CHCHD3: variants seen among roughly 807,000 people sequenced by gnomAD.
The protein encoded by CHCHD3 is coiled-coil-helix-coiled-coil-helix domain containing 3.
In CHCHD3, 20 loss-of-function variants were observed where a neutral mutation model predicts 38.2. The ratio of observed to expected loss-of-function variants is 0.52; its 90% confidence interval spans 0.37 to 0.76. The LOEUF is 0.76. CHCHD3 is among the 30% of genes least tolerant of loss of function. The pLI is 0.00. For synonymous variants in CHCHD3, 82 were observed against 100.0 expected, an observed-to-expected ratio of 0.82 and a Z score of 1.07; for missense variants, 245 against 279.2, an observed-to-expected ratio of 0.88 and a Z score of 0.87.
intron 4 of CHCHD3, among the ~76,000 whole-genome samples, chr7:132,920,553 C>T (rs538016782): frequency 3.3e-4 from 50 of 152,278 alleles, no homozygotes; most frequent in Middle Eastern, 3.4e-3. Flanking sequence ...CAAATACTGT[C>T]TCAACTTGTT....
intron 4 of CHCHD3, among the ~76,000 whole-genome samples, chr7:132,963,692 T>TACACACACACACACACACAC (rs1174201921): frequency 2.1e-5 from 1 of 46,910 alleles, no homozygotes; most frequent in Admixed American, 2.4e-4. Flanking sequence ...CACAAACGAT[T>TACACACACACACACACACAC]ATACACACAC....
intron 5 of CHCHD3, among the ~76,000 whole-genome samples, chr7:132,856,421 T>C (rs1026242436): frequency 6.6e-6 from 1 of 152,220 alleles, no homozygotes; most frequent in Non-Finnish European, 1.5e-5. Flanking sequence ...ATCTTTACTT[T>C]GAAAAAGATT....
intron 3 of CHCHD3, among the ~76,000 whole-genome samples, chr7:132,981,338 CTG>C (rs1424431451): frequency 2.0e-5 from 3 of 152,236 alleles, no homozygotes; most frequent in African/African-American, 7.2e-5. Context: ...ATGAGAAAAA[CTG>C]AGAAGTACAA....
chr7:133,077,209 T>C (rs1410916357), intron 1 of CHCHD3, among the ~76,000 whole-genome samples: 1 of 152,182 alleles, frequency 6.6e-6, no homozygotes, highest in Non-Finnish European at 1.5e-5. Context: ...TAACTTAAGA[T>C]GGTAGCCAAA....
At chr7:132,986,424 GAAAAAAAA>G (rs59151340) in intron 3 of CHCHD3, among the ~76,000 whole-genome samples, 4 of 131,272 alleles carry the variant, frequency 3.0e-5, no homozygotes, top group African/African-American at 8.4e-5. Flanking sequence ...AAAGAAAAAA[GAAAAAAAA>G]AAAAAAAGAA....
chr7:132,918,593 G>A lies in CHCHD3; in HGVS notation c.370-32848C>T, dbSNP rs562941804. ...GTATGGTTCTGCTGAGTTCTCTGCA[G>A]ATTATCTACATTTTCAACTGTTTTC... is the stretch of plus-strand genomic sequence containing the variant. On this transcript the variant is annotated intron_variant, in intron 4 of 7. Transcript: ENST00000262570. 2.0e-5 allele frequency among the ~76,000 whole-genome samples: 3 copies of A among 152,294 alleles called. No homozygotes were observed. In the East Asian group the frequency reaches 5.8e-4, roughly 29 times the overall value.
At chr7:132,928,312 A>G (rs547044079) in intron 4 of CHCHD3, among the ~76,000 whole-genome samples, 73 of 152,356 alleles carry the variant, frequency 4.8e-4, no homozygotes, top group African/African-American at 1.7e-3. Flanking sequence ...TTAGCAATGA[A>G]GATGCACTTC....
chr7:132,791,158 T>A (rs1362070557), intron 7 of CHCHD3, among the ~76,000 whole-genome samples: 1 of 152,148 alleles, frequency 6.6e-6, no homozygotes, highest in Non-Finnish European at 1.5e-5. Flanking sequence ...TCCTGGGAAA[T>A]TTGGTCAAAG....
intron 6 of CHCHD3, among the ~76,000 whole-genome samples, chr7:132,797,682 C>T (rs926269998): frequency 1.3e-5 from 2 of 152,188 alleles, no homozygotes; most frequent in African/African-American, 4.8e-5. Context: ...CTTATACTTA[C>T]AAATCTCAGA....
intron 2 of CHCHD3, among the ~76,000 whole-genome samples, chr7:133,055,645 T>C (rs1240245578): frequency 6.7e-6 from 1 of 148,712 alleles, no homozygotes. Flanking sequence ...AATTATATTA[T>C]AGTTAATTAT....
intron 5 of CHCHD3, among the ~76,000 whole-genome samples, chr7:132,871,345 T>C (rs1348011196): frequency 1.3e-5 from 2 of 152,234 alleles, no homozygotes; most frequent in Non-Finnish European, 2.9e-5. Flanking sequence ...TTTAATTACA[T>C]ACTATTGAAT....
In CHCHD3 at chr7:133,035,324, CTG is replaced by C; in HGVS notation, c.170-10699_170-10698del. ...TCAGTTCCCCCAAGACAGCCCGGAA[CTG>C]GGGCTGGTTAATGCAGGTGAGGAAC... On this transcript the variant is annotated intron_variant, in intron 2 of 7. Transcript: ENST00000262570. The surrounding 1 kb of genome is among the most constrained non-coding windows in gnomAD (Gnocchi z 4.7). 2 of 1,610,786 alleles carry C rather than the reference CTG, an allele frequency of 1.2e-6. No individual in the cohort carries two copies. The highest frequency in any genetic ancestry group is 4.5e-5 in the East Asian group (2 of 44,854).
At chr7:132,925,817 C>T (rs889905972) in intron 4 of CHCHD3, among the ~76,000 whole-genome samples, 3 of 152,062 alleles carry the variant, frequency 2.0e-5, no homozygotes, top group Non-Finnish European at 2.9e-5. Context: ...ATAACGAAAA[C>T]GTTTCCAAAA....
intron 3 of CHCHD3, among the ~76,000 whole-genome samples, chr7:133,000,092 C>A (rs7783493): frequency 6.6e-6 from 1 of 152,068 alleles, no homozygotes; most frequent in Non-Finnish European, 1.5e-5. Flanking sequence ...AGAAACAAAA[C>A]TGCTTAAAAA....
intron 2 of CHCHD3, among the ~76,000 whole-genome samples, chr7:133,043,250 G>GA (rs1213628357): frequency 6.6e-6 from 1 of 152,046 alleles, no homozygotes; most frequent in African/African-American, 2.4e-5. Flanking sequence ...CTTTAATTAT[G>GA]AAAAAAATTT....
intron 6 of CHCHD3, among the ~76,000 whole-genome samples, chr7:132,824,897 C>A (rs1315888058): frequency 2.0e-5 from 3 of 152,220 alleles, no homozygotes; most frequent in Admixed American, 6.5e-5. Context: ...TCCGAACCTC[C>A]TAGTCCTACT....
chr7:132,925,456 A>G (rs1810351171), intron 4 of CHCHD3, among the ~76,000 whole-genome samples: 1 of 152,206 alleles, frequency 6.6e-6, no homozygotes, highest in African/African-American at 2.4e-5. Flanking sequence ...GGGAGTAAAA[A>G]TTTGTCCAGG....
chr7:132,990,983 A>ACAC (rs1562931405), intron 3 of CHCHD3, among the ~76,000 whole-genome samples: 2 of 80,176 alleles, frequency 2.5e-5, no homozygotes, highest in African/African-American at 9.9e-5. Context: ...CACACACACA[A>ACAC]CCTAACTCAT....
At chr7:133,008,970 C>CAAAAAAAAAAAAAAAAAAAAAAACA (rs34312085) in intron 3 of CHCHD3, among the ~76,000 whole-genome samples, 1 of 127,974 alleles carries the variant, frequency 7.8e-6, no homozygotes, top group Non-Finnish European at 1.7e-5. Context: ...CAAAAAAGAC[C>CAAAAAAAAAAAAAAAAAAAAAAACA]AAAAAAAAAA....
Sources: allele counts gnomAD v4.1 joint callset (sites outside exome capture counted in the v4.1 genomes callset), GRCh38; gene constraint gnomAD v4.1.1; non-coding constraint Gnocchi (gnomAD v3.1); transcripts MANE v1.5; gene names NCBI Gene and HGNC (gene_info 2026-07-23, HGNC 2026-07-21).